The following LYN variants were observed in gnomAD, a reference collection of about 807,000 sequenced individuals.
LYN encodes the protein tyrosine-protein kinase Lyn.
A neutral mutation model predicts 65.0 loss-of-function variants in LYN; 12 were observed. The ratio of observed to expected loss-of-function variants is 0.18; its 90% confidence interval spans 0.12 to 0.30. LYN has a LOEUF of 0.30. LYN is among the 10% of genes least tolerant of loss of function. The probability of loss-of-function intolerance (pLI) is 1.00; values close to 1 mark genes in which losing one functional copy is unlikely to be tolerated. For synonymous variants in LYN, 222 were observed against 221.2 expected (o/e 1.00, Z -0.03); for missense variants, 380 against 623.2 (o/e 0.61, Z 4.16).
intron 1 of LYN, among the ~76,000 whole-genome samples, chr8:55,935,512 G>A (rs532193233): frequency 9.2e-5 from 14 of 152,296 alleles, no homozygotes; most frequent in East Asian, 7.7e-4. Context: ...AGTGGCTCAC[G>A]CCTGTAATCC....
chr8:55,912,278 G>C (rs1452953723), intron 1 of LYN, among the ~76,000 whole-genome samples: 1 of 152,194 alleles, frequency 6.6e-6, no homozygotes, highest in Non-Finnish European at 1.5e-5. Flanking sequence ...GAAACAAAAT[G>C]TTTTTCGTAA....
At chr8:55,964,275 GTTAGTC>G (rs913552107) in intron 8 of LYN, among the ~76,000 whole-genome samples, 1 of 151,770 alleles carries the variant, frequency 6.6e-6, no homozygotes, top group African/African-American at 2.4e-5. Context: ...TATTGCCCAG[GTTAGTC>G]TTGAACTCCT....
chr8:55,990,448 G>T (rs908686249), intron 10 of LYN, among the ~76,000 whole-genome samples: 5 of 152,136 alleles, frequency 3.3e-5, no homozygotes, highest in Admixed American at 1.3e-4. Flanking sequence ...AAAGGTGTCA[G>T]TTAAATCTCT....
chr8:55,896,970 C>T (rs1409581860), intron 1 of LYN, among the ~76,000 whole-genome samples: 1 of 152,170 alleles, frequency 6.6e-6, no homozygotes, highest in Non-Finnish European at 1.5e-5. Context: ...AAACTCCTGA[C>T]CTTAGGTGAT....
rs760840076 is a variant in LYN, at chr8:55,954,003, G to A, written c.790+19G>A. The A allele has an allele frequency of 6.2e-7, 1 of 1,612,574 alleles. No individual in the cohort carries two copies. ...TGGATGGGTAAGTGTGCGGCTCGGG[G>A]ATCTATGTCCTTCTAGAGATGGTGA... On this transcript the variant is annotated intron_variant, in intron 8 of 12. Coordinates refer to ENST00000519728, the MANE Select transcript of LYN (RefSeq NM_002350.4).
chr8:55,905,414 AAAAAG>A lies in LYN; in HGVS notation c.-6+25315_-6+25319del, dbSNP rs1385129380. Among the ~76,000 whole-genome samples, 214 of 151,364 alleles carry A rather than the reference AAAAAG, an allele frequency of 1.4e-3. 3 individuals carry two copies. The highest frequency in any genetic ancestry group is 5.1e-3 in the African/African-American group (209 of 41,154). On this transcript the variant is annotated intron_variant, in intron 1 of 12. Coordinates refer to ENST00000519728, the MANE Select transcript of LYN (RefSeq NM_002350.4). ...ACAAGAGTGAAACTCCGTCTCAAAA[AAAAAG>A]AAAGAAAGAAAGAAAGAAAGAAAGA...
chr8:55,987,900 G>T (rs901295518), intron 10 of LYN, among the ~76,000 whole-genome samples: 1 of 152,264 alleles, frequency 6.6e-6, no homozygotes, highest in Non-Finnish European at 1.5e-5. Flanking sequence ...TTATTTTAAC[G>T]ACTAACATGC....
intron 11 of LYN, 126 bp downstream of exon 11, chr8:55,998,625 T>A: frequency 1.2e-6 from 1 of 812,692 alleles, no homozygotes; most frequent in Non-Finnish European, 2.0e-6. Context: ...ATTTAAGCTG[T>A]ACCATAATTG....
intron 3 of LYN, among the ~76,000 whole-genome samples, chr8:55,947,107 G>A (rs951412462): frequency 2.6e-4 from 39 of 152,214 alleles, no homozygotes; most frequent in African/African-American, 8.7e-4. Context: ...AAATTAGCCA[G>A]GCGTGGTGGT....
chr8:55,881,965 A>T (rs1392645782), intron 1 of LYN, among the ~76,000 whole-genome samples: 1 of 152,182 alleles, frequency 6.6e-6, no homozygotes, highest in Non-Finnish European at 1.5e-5. Flanking sequence ...GGACATAGGG[A>T]GATGAAGAAA....
chr8:55,934,260 A>G (rs558178823), intron 1 of LYN, among the ~76,000 whole-genome samples: 180 of 152,350 alleles, frequency 1.2e-3, no homozygotes, highest in African/African-American at 4.3e-3. Flanking sequence ...AGGTAAACAC[A>G]GCAAACAGAA....
At chr8:55,987,780 G>A (rs978144100) in intron 10 of LYN, among the ~76,000 whole-genome samples, 4 of 152,174 alleles carry the variant, frequency 2.6e-5, no homozygotes, top group Non-Finnish European at 5.9e-5. Flanking sequence ...AGACTCTTAA[G>A]CCTGGACCAG....
Position 55,966,910 on chromosome 8 carries a change from C to T in LYN, c.973+13C>T. ...TACATGGCCAAGGGTGAGTTCCTCC[C>T]ACTGCCCAGAGCTTGCAAGGGCTTC... On this transcript the variant is annotated intron_variant, in intron 9 of 12. Coordinates refer to ENST00000519728, the MANE Select transcript of LYN (RefSeq NM_002350.4). 6.2e-7 allele frequency: 1 copy of T among 1,610,430 alleles called. No homozygotes were observed. The highest frequency in any genetic ancestry group is 8.5e-7 in the Non-Finnish European group (1 of 1,178,130).
chr8:56,009,963 T>C lies in LYN; in HGVS notation c.1392T>C (p.Arg464=), dbSNP rs1424861387. The change falls in exon 13 of 13, where the codon CGT becomes CGC. Residue 464 remains arginine (R), a synonymous_variant. Transcript: ENST00000519728. The part of the protein sequence containing the change: ...TALSQGYRMP[R]VENCPDELYD... ...TGTCCCAGGGCTACAGGATGCCCCG[T>C]GTGGAGAACTGCCCAGATGAGCTCT... 2 of 1,613,900 alleles carry C rather than the reference T, an allele frequency of 1.2e-6. No individual in the cohort carries two copies. The highest frequency in any genetic ancestry group is 1.7e-6 in the Non-Finnish European group (2 of 1,179,910).
intron 6 of LYN, among the ~76,000 whole-genome samples, 187 bp from the exon 7 acceptor site, chr8:55,951,779 A>T (rs1806957511): frequency 6.6e-6 from 1 of 152,228 alleles, no homozygotes; most frequent in Non-Finnish European, 1.5e-5. Flanking sequence ...GCTACACAGC[A>T]AACAAAATGC....
At chr8:55,921,999 T>C (rs1305267915) in intron 1 of LYN, among the ~76,000 whole-genome samples, 3 of 152,282 alleles carry the variant, frequency 2.0e-5, no homozygotes, top group Non-Finnish European at 1.5e-5. Context: ...GATGGACAGA[T>C]GATAAAATAG....
chr8:55,911,992 C>T (rs1222801666), intron 1 of LYN, among the ~76,000 whole-genome samples: 1 of 152,056 alleles, frequency 6.6e-6, no homozygotes, highest in Admixed American at 6.5e-5. Context: ...GTGGTGTGTT[C>T]TACCACGTCC....
Position 56,011,264 on chromosome 8 carries a change from C to T in LYN, c.*1154C>T. 1 of 226,456 alleles carries T rather than the reference C, an allele frequency of 4.4e-6. No individual in the cohort carries two copies. The highest frequency in any genetic ancestry group is 8.8e-6 in the Non-Finnish European group (1 of 113,882). 14.0% of individuals were successfully genotyped at this position (226,456 alleles called of 1,614,324 possible). On this transcript the variant is annotated 3_prime_UTR_variant, in exon 13 of 13. Coordinates refer to ENST00000519728, the MANE Select transcript of LYN (RefSeq NM_002350.4). ...AAGCGGTTCTGTTCACTAAATTTTTCTCCTGTAAGCTTTGAATGGAAACTT... is the reference window on the plus strand; with the variant it reads ...AAGCGGTTCTGTTCACTAAATTTTTTTCCTGTAAGCTTTGAATGGAAACTT...
Position 55,950,570 on chromosome 8 carries a change from G to T in LYN, c.383+13G>T, listed in dbSNP as rs1438108487. On this transcript the variant is annotated intron_variant, in intron 5 of 12. Transcript: ENST00000519728. The stretch of plus-strand genomic sequence containing the variant: ...TAGAAACAGAAGAGTGAGTCCTCAT[G>T]TGTTGTCATCTTGGTGGCTTTATTT... The T allele has an allele frequency of 6.2e-7, 1 of 1,608,626 alleles. No individual in the cohort carries two copies. The highest frequency in any genetic ancestry group is 1.1e-5 in the South Asian group (1 of 90,854).
Sources: gnomAD v4.1 joint callset for allele counts (sites outside exome capture counted in the v4.1 genomes callset) on GRCh38, gnomAD v4.1.1 for gene constraint, MANE v1.5 for transcripts, NCBI Gene and HGNC (gene_info 2026-07-23, HGNC 2026-07-21) for gene names.